The following PRKCH variants were observed in gnomAD, a reference collection of about 807,000 sequenced individuals.
PRKCH encodes the protein protein kinase C eta type.
A neutral mutation model predicts 82.5 loss-of-function variants in PRKCH; 28 were observed. That is an observed-to-expected ratio of 0.34 (90% CI 0.25 to 0.47). The LOEUF (loss-of-function observed/expected upper bound fraction) is 0.47. Among genes scored for constraint, PRKCH ranks in the 20% least tolerant of loss-of-function variants. The probability of loss-of-function intolerance (pLI) is 1.00; values close to 1 mark genes in which losing one functional copy is unlikely to be tolerated. For synonymous variants in PRKCH, 322 were observed against 327.4 expected, an observed-to-expected ratio of 0.98 and a Z score of 0.18; for missense variants, 705 against 881.8, an observed-to-expected ratio of 0.80 and a Z score of 2.54.
At chr14:61,478,153 G>A (rs562364159) in intron 9 of PRKCH, among the ~76,000 whole-genome samples, 2 of 152,348 alleles carry the variant, frequency 1.3e-5, no homozygotes, top group South Asian at 4.1e-4. Flanking sequence ...CATTTCTTGA[G>A]CATTTCACTT....
chr14:61,367,521 G>A (rs1243966100), intron 1 of PRKCH, among the ~76,000 whole-genome samples: 2 of 151,822 alleles, frequency 1.3e-5, no homozygotes, highest in Non-Finnish European at 2.9e-5. Flanking sequence ...CCAGTAGGTA[G>A]GTGCTCAATA....
chr14:61,330,934 A>G (rs76245638), intron 1 of PRKCH, among the ~76,000 whole-genome samples: 4,700 of 143,842 alleles, frequency 0.033, 89 homozygotes, highest in Non-Finnish European at 0.047. Context: ...ATACGCTAAC[A>G]CTAACGATAG....
At chr14:61,205,533 A>G (rs1452515070) in intron 1 of PRKCH, among the ~76,000 whole-genome samples, 1 of 152,114 alleles carries the variant, frequency 6.6e-6, no homozygotes, top group East Asian at 1.9e-4. Context: ...TTGTTGCTTT[A>G]TCCTGAATTC....
At chr14:61,470,337 TCTTTCTCATCCC>T (rs1885444262) in intron 9 of PRKCH, among the ~76,000 whole-genome samples, 2 of 64,914 alleles carry the variant, frequency 3.1e-5, no homozygotes, top group East Asian at 1.1e-3. Flanking sequence ...ACTTGCACGA[TCTTTCTCATCCC>T]GCTGGCAAGA....
chr14:61,327,792 T>A (rs1388657884), intron 1 of PRKCH, among the ~76,000 whole-genome samples: 1 of 152,250 alleles, frequency 6.6e-6, no homozygotes, highest in Non-Finnish European at 1.5e-5. Flanking sequence ...ACATTAAATA[T>A]TTGTTAAATG....
At position 61,219,411 on chromosome 14, in the gene PRKCH, G is replaced by T. The variant is rs1377263027; in HGVS notation, c.-19+31743G>T. 3.3e-5 allele frequency among the ~76,000 whole-genome samples: 5 copies of T among 152,324 alleles called. No individual in the cohort carries two copies. In the East Asian group the frequency reaches 9.6e-4, roughly 29 times the overall value. On this transcript the variant is annotated intron_variant, in intron 1 of 3. Transcript: ENST00000555185. Reference sequence around the variant, plus strand: ...TTACCTCCTTCCCACGGAGGCAAGGGGTGTCAGCTCCTGTAAGGCTCCATC... The same window carrying T: ...TTACCTCCTTCCCACGGAGGCAAGGTGTGTCAGCTCCTGTAAGGCTCCATC...
intron 1 of PRKCH, among the ~76,000 whole-genome samples, chr14:61,339,622 CTTTTTTTTTTT>C (rs757220300): frequency 2.5e-4 from 15 of 60,030 alleles, no homozygotes; most frequent in Admixed American, 2.2e-3. Flanking sequence ...CAAGCCCGGC[CTTTTTTTTTTT>C]TTTTTTTTTT....
At chr14:61,253,452 G>C (rs2044966494) in intron 1 of PRKCH, among the ~76,000 whole-genome samples, 1 of 150,918 alleles carries the variant, frequency 6.6e-6, no homozygotes, top group Middle Eastern at 3.2e-3. Context: ...AGAAAACTTG[G>C]CACACCTTGC....
intron 1 of PRKCH, among the ~76,000 whole-genome samples, chr14:61,190,024 T>G (rs2044397452): frequency 6.6e-6 from 1 of 152,204 alleles, no homozygotes; most frequent in Non-Finnish European, 1.5e-5. Flanking sequence ...AATTGCTAGC[T>G]TTGTGACCTT....
At chr14:61,302,828 C>G (rs2045457632) in intron 1 of PRKCH, among the ~76,000 whole-genome samples, 1 of 152,118 alleles carries the variant, frequency 6.6e-6, no homozygotes, top group Non-Finnish European at 1.5e-5. Context: ...TCCATGTGCA[C>G]TTGAAAATCG....
At chr14:61,457,937 T>C (rs1313570547) in intron 9 of PRKCH, among the ~76,000 whole-genome samples, 1 of 152,198 alleles carries the variant, frequency 6.6e-6, no homozygotes, top group African/African-American at 2.4e-5. Context: ...GAAAAGGTCA[T>C]CATACATAAA....
chr14:61,531,883 A>AG (rs1362226688), intron 12 of PRKCH, among the ~76,000 whole-genome samples: 2 of 152,358 alleles, frequency 1.3e-5, no homozygotes, highest in Non-Finnish European at 2.9e-5. Flanking sequence ...GGAAAAAAAA[A>AG]GTCACAGAGA....
chr14:61,257,007 C>T (rs1017655867), intron 1 of PRKCH, among the ~76,000 whole-genome samples: 6 of 152,312 alleles, frequency 3.9e-5, no homozygotes, highest in South Asian at 4.1e-4. Context: ...AAATAAAGTG[C>T]TTCCTCTGTG....
chr14:61,302,410 C>T (rs1329427534), intron 1 of PRKCH, among the ~76,000 whole-genome samples: 2 of 152,186 alleles, frequency 1.3e-5, no homozygotes, highest in African/African-American at 4.8e-5. Context: ...TCCACCATCT[C>T]ATCTCATGGC....
intron 1 of PRKCH, among the ~76,000 whole-genome samples, chr14:61,343,364 A>G (rs944418872): frequency 6.6e-6 from 1 of 151,286 alleles, no homozygotes; most frequent in African/African-American, 2.4e-5. Flanking sequence ...AAAAAAAAAA[A>G]AAAAAAAAAA....
chr14:61,301,673 C>G (rs551907665), intron 1 of PRKCH, among the ~76,000 whole-genome samples: 1 of 152,142 alleles, frequency 6.6e-6, no homozygotes, highest in Non-Finnish European at 1.5e-5. Context: ...GAGACCTTCT[C>G]TCTACAAAAA....
At chr14:61,414,995 G>A (rs1009657444) in intron 2 of PRKCH, among the ~76,000 whole-genome samples, 1 of 151,968 alleles carries the variant, frequency 6.6e-6, no homozygotes, top group Non-Finnish European at 1.5e-5. Flanking sequence ...CCTTTCATCT[G>A]CAGGGACACT....
intron 1 of PRKCH, chr14:61,281,413 C>T (rs913365126): frequency 3.2e-6 from 1 of 315,194 alleles, no homozygotes; most frequent in Non-Finnish European, 6.1e-6. Context: ...GCACCTCGCC[C>T]GCCCCTTCCG....
chr14:61,340,565 C>G (rs2045919302), intron 1 of PRKCH, among the ~76,000 whole-genome samples: 6 of 152,160 alleles, frequency 3.9e-5, no homozygotes, highest in African/African-American at 1.4e-4. Flanking sequence ...AGGCTTAGGA[C>G]AAACCACTTT....
Sources: gnomAD v4.1 joint callset for allele counts (sites outside exome capture counted in the v4.1 genomes callset) on GRCh38, gnomAD v4.1.1 for gene constraint, MANE v1.5 for transcripts, NCBI Gene and HGNC (gene_info 2026-07-23, HGNC 2026-07-21) for gene names.